METTL9: variants seen among roughly 807,000 people sequenced by gnomAD.
The protein encoded by METTL9 is methyltransferase 9, His-X-His N1(pi)-histidine.
METTL9 carries 10 observed loss-of-function variants against 36.0 expected under a neutral mutation model. The ratio of observed to expected loss-of-function variants is 0.28; its 90% CI spans 0.17 to 0.47. The LOEUF is 0.47. METTL9 is among the 20% of genes least tolerant of loss of function. The pLI is 0.99. For missense variants in METTL9, 246 were observed against 383.5 expected (o/e 0.64, Z 3.00); for synonymous variants, 175 against 149.7 (o/e 1.17, Z -1.23).
At chr16:21,612,864 T>C (rs1218280729) in intron 2 of METTL9, 29 bp downstream of exon 2, 3 of 1,537,638 alleles carry the variant, frequency 2.0e-6, no homozygotes, top group Non-Finnish European at 2.6e-6. Context: ...TTTATTTTTT[T>C]CTTTATCCTT....
intron 4 of METTL9, among the ~76,000 whole-genome samples, chr16:21,647,929 C>T (rs1014826919): frequency 1.3e-5 from 2 of 152,218 alleles, no homozygotes; most frequent in African/African-American, 2.4e-5. Flanking sequence ...TGTCCCCAGA[C>T]GAACGTTGCT....
At chr16:21,640,321 C>T (rs1259627109) in intron 4 of METTL9, 1 of 152,004 alleles carries the variant, frequency 6.6e-6, no homozygotes, top group Non-Finnish European at 1.5e-5. Context: ...CTTATGGGCA[C>T]TTTAGATTTT....
At chr16:21,616,521 C>G (rs1052663258) in intron 2 of METTL9, among the ~76,000 whole-genome samples, 1 of 152,166 alleles carries the variant, frequency 6.6e-6, no homozygotes, top group African/African-American at 2.4e-5. Flanking sequence ...TTCCATGAGA[C>G]TTGGCTGGAC....
At chr16:21,639,313 T>G (rs1249850037) in intron 4 of METTL9, among the ~76,000 whole-genome samples, 1 of 152,236 alleles carries the variant, frequency 6.6e-6, no homozygotes, top group Non-Finnish European at 1.5e-5. Flanking sequence ...TACTAGTTTA[T>G]CTGAGGGATT....
At chr16:21,637,108 T>C (rs1031061115) in intron 4 of METTL9, among the ~76,000 whole-genome samples, 1 of 152,120 alleles carries the variant, frequency 6.6e-6, no homozygotes, top group South Asian at 2.1e-4. Flanking sequence ...TTCCACAGTA[T>C]GGAAGGGGAC....
chr16:21,645,471 G>GAAAT (rs1357364235), intron 4 of METTL9, among the ~76,000 whole-genome samples: 3 of 151,974 alleles, frequency 2.0e-5, no homozygotes, highest in Non-Finnish European at 2.9e-5. Context: ...AAAAAAGAAA[G>GAAAT]AAAAATCCCA....
chr16:21,617,446 G>A (rs1418361096), intron 2 of METTL9, among the ~76,000 whole-genome samples: 4 of 130,898 alleles, frequency 3.1e-5, no homozygotes, highest in African/African-American at 1.2e-4. Context: ...AAAAAAATTA[G>A]GCCAGGCGCA....
At chr16:21,638,259 A>G (rs1483071595) in intron 4 of METTL9, among the ~76,000 whole-genome samples, 1 of 152,198 alleles carries the variant, frequency 6.6e-6, no homozygotes, top group African/African-American at 2.4e-5. Context: ...CAGAGGTTGC[A>G]GTGAGCCGAG....
Position 21,599,647 on chromosome 16 carries a change from C to T in METTL9, c.-87C>T, listed in dbSNP as rs1055367675. ...GCGGCCGCGATGGCTCGAGCTCGGG[C>T]GGTGGCGGCGGTGGCCGGAGGCGGC... is the stretch of plus-strand genomic sequence containing the variant. On this transcript the variant is annotated 5_prime_UTR_variant, in exon 1 of 5. Transcript: ENST00000358154. The surrounding 1 kb of genome is among the most constrained non-coding windows in gnomAD (Gnocchi z 4.4). 4 of 1,343,916 alleles carry T rather than the reference C, an allele frequency of 3.0e-6. No homozygotes were observed. In the South Asian group the frequency reaches 7.4e-5, roughly 25 times the overall value. 83.2% of individuals were successfully genotyped at this position (1,343,916 alleles called of 1,614,324 possible).
chr16:21,643,972 T>TCGCC (rs1966350182), intron 4 of METTL9, among the ~76,000 whole-genome samples: 1 of 152,184 alleles, frequency 6.6e-6, no homozygotes, highest in Admixed American at 6.5e-5. Context: ...CAGTAATATC[T>TCGCC]CGCCCTCCAC....
chr16:21,599,170 G>A (rs1317514572), upstream of METTL9, among the ~76,000 whole-genome samples: 1 of 152,014 alleles, frequency 6.6e-6, no homozygotes, highest in Admixed American at 6.6e-5. The surrounding 1 kb of genome is among the most constrained non-coding windows in gnomAD (Gnocchi z 4.4). Context: ...TCAAAGTCCC[G>A]CCGTGGAGTG....
intron 4 of METTL9, among the ~76,000 whole-genome samples, chr16:21,649,229 G>C (rs1966506758): frequency 6.6e-6 from 1 of 152,148 alleles, no homozygotes; most frequent in Non-Finnish European, 1.5e-5. Context: ...CTAAACTCAA[G>C]CGACCCGCTT....
intron 4 of METTL9, chr16:21,641,373 ATTAG>A (rs1160349650): frequency 2.2e-6 from 1 of 452,302 alleles, no homozygotes; most frequent in East Asian, 3.5e-5. Flanking sequence ...GGTAATGACT[ATTAG>A]TTATAGTTTC....
At chr16:21,635,787 GT>G (rs1966077284) in intron 4 of METTL9, among the ~76,000 whole-genome samples, 1 of 152,052 alleles carries the variant, frequency 6.6e-6, no homozygotes, top group Non-Finnish European at 1.5e-5. Context: ...TTTTTGGTTT[GT>G]TTTGTTTCTC....
chr16:21,650,664 T>A (rs751725981), intron 4 of METTL9, among the ~76,000 whole-genome samples: 1 of 152,182 alleles, frequency 6.6e-6, no homozygotes. Flanking sequence ...AATTAGGCTA[T>A]GTGTGGGAGA....
In METTL9 at chr16:21,655,568, C is replaced by A; in HGVS notation, c.*136C>A. 1.4e-6 allele frequency: 1 copy of A among 713,740 alleles called. No individual in the cohort carries two copies. The highest frequency in any genetic ancestry group is 2.3e-6 in the Non-Finnish European group (1 of 434,002). 44.2% of individuals were successfully genotyped at this position (713,740 alleles called of 1,614,324 possible). ...AATATCATGTAGGAATTTAAAAAGC[C>A]AAAATACTAATTATTTCTTTGTAGT... On this transcript the variant is annotated 3_prime_UTR_variant, in exon 5 of 5. Transcript: ENST00000358154.
intron 3 of METTL9, among the ~76,000 whole-genome samples, chr16:21,620,354 G>A (rs1270856934): frequency 1.3e-5 from 2 of 152,034 alleles, no homozygotes; most frequent in African/African-American, 2.4e-5. Flanking sequence ...AGATTAATTC[G>A]GCATTTCAAA....
rs745385051 is a variant in METTL9, at chr16:21,612,716, A to C, written c.237A>C (p.Gln79His). 6.2e-7 allele frequency: 1 copy of C among 1,612,528 alleles called. No individual in the cohort carries two copies. Among genetic ancestry groups the C allele is most frequent in the Non-Finnish European group, 8.5e-7 (1 of 1,179,600 alleles). Residue 79 changes from glutamine to histidine, a missense_variant, in exon 2 of 5, where the codon CAA becomes CAC. Transcript: ENST00000358154. Reference sequence around the variant, plus strand: ...TCTTTGTTCAGAGTTACCTTGATCAAGGAACACAGATCTTCTTAAACAACA... The same window carrying C: ...TCTTTGTTCAGAGTTACCTTGATCACGGAACACAGATCTTCTTAAACAACA... ...QAVFVQSYLDQGTQIFLNNSI... is the reference protein window; with the variant it reads ...QAVFVQSYLDHGTQIFLNNSI...
intron 4 of METTL9, among the ~76,000 whole-genome samples, chr16:21,634,043 G>A (rs372116469): frequency 1.1e-4 from 16 of 152,136 alleles, no homozygotes; most frequent in African/African-American, 3.6e-4. Context: ...TAAGGATGTG[G>A]GACTTTCAGG....
Sources: allele counts gnomAD v4.1 joint callset (sites outside exome capture counted in the v4.1 genomes callset), GRCh38; gene constraint gnomAD v4.1.1; non-coding constraint Gnocchi (gnomAD v3.1); transcripts MANE v1.5; gene names NCBI Gene and HGNC (gene_info 2026-07-23, HGNC 2026-07-21).